Variants in SLC71A2 observed in about 807,000 individuals in gnomAD.
SLC71A2 encodes the protein solute carrier family 71 member 2, also known as hippocampus abundant transcript-like 1.
At chr9:94,437,782 C>G in the SLC71A2 span, among the ~76,000 whole-genome samples, 2 of 144,590 alleles carry the variant, frequency 1.4e-5, no homozygotes, top group Non-Finnish European at 3.0e-5. Context: ...TTCCCGTATG[C>G]TTGGTGTGTG....
the SLC71A2 span, chr9:94,459,147 T>G: frequency 6.2e-7 from 1 of 1,609,546 alleles, no homozygotes; most frequent in Non-Finnish European, 8.5e-7. Flanking sequence ...CCACTTGTTT[T>G]CCACGTTCAA....
chr9:94,416,233 G>A, the SLC71A2 span, among the ~76,000 whole-genome samples: 2 of 151,932 alleles, frequency 1.3e-5, no homozygotes, highest in African/African-American at 4.8e-5. Flanking sequence ...ATTATTGATG[G>A]GCCGGGTACA....
At chr9:94,389,624 T>G in the SLC71A2 span, among the ~76,000 whole-genome samples, 8 of 150,228 alleles carry the variant, frequency 5.3e-5, no homozygotes, top group African/African-American at 2.0e-4. Context: ...CTTATTTACT[T>G]GAGACAAGGT....
the SLC71A2 span, among the ~76,000 whole-genome samples, chr9:94,458,732 TTAAAATTTGAAATGACCTAAAAATCCAGC>T: frequency 6.6e-6 from 1 of 152,218 alleles, no homozygotes; most frequent in African/African-American, 2.4e-5. Flanking sequence ...CCCAGGCTAG[TTAAAATTTGAAATGACCTAAAAATCCAGC>T]TAAAAATTGA....
the SLC71A2 span, among the ~76,000 whole-genome samples, chr9:94,418,655 C>T: frequency 1.3e-5 from 2 of 152,136 alleles, no homozygotes; most frequent in East Asian, 1.9e-4. Flanking sequence ...AGGCTGGTCT[C>T]GAACTCCTGA....
chr9:94,442,387 C>G, the SLC71A2 span, among the ~76,000 whole-genome samples: 1 of 152,126 alleles, frequency 6.6e-6, no homozygotes. Context: ...TCTGACTCTT[C>G]TACCTTCCCT....
the SLC71A2 span, chr9:94,444,984 T>G: frequency 6.2e-7 from 1 of 1,614,042 alleles, no homozygotes; most frequent in Non-Finnish European, 8.5e-7. Flanking sequence ...CCTTTGCGGC[T>G]AGTCTTGTCA....
At chr9:94,440,291 C>G in the SLC71A2 span, among the ~76,000 whole-genome samples, 2 of 151,988 alleles carry the variant, frequency 1.3e-5, no homozygotes, top group Non-Finnish European at 2.9e-5. Context: ...GTAGCTGGGA[C>G]TACAGGCGCC....
At chr9:94,420,275 A>G in the SLC71A2 span, among the ~76,000 whole-genome samples, 2 of 152,158 alleles carry the variant, frequency 1.3e-5, no homozygotes, top group Admixed American at 1.3e-4. Flanking sequence ...TGCCCCATTA[A>G]CTTGACAACA....
the SLC71A2 span, among the ~76,000 whole-genome samples, chr9:94,405,638 T>C: frequency 2.0e-5 from 3 of 152,158 alleles, no homozygotes; most frequent in African/African-American, 7.2e-5. Context: ...CACTTGGGCT[T>C]TTTATTCTGT....
At chr9:94,429,909 AT>A in the SLC71A2 span, among the ~76,000 whole-genome samples, 253 of 141,840 alleles carry the variant, frequency 1.8e-3, 1 homozygote, top group Middle Eastern at 3.7e-3. Flanking sequence ...TCTTTATTTT[AT>A]TTTTTTTTTT....
At chr9:94,448,070 C>T in the SLC71A2 span, among the ~76,000 whole-genome samples, 1 of 152,014 alleles carries the variant, frequency 6.6e-6, no homozygotes, top group Non-Finnish European at 1.5e-5. Flanking sequence ...GACAGTTGTG[C>T]ATAAAGCTGC....
chr9:94,379,537 G>T, the SLC71A2 span, among the ~76,000 whole-genome samples: 3 of 149,880 alleles, frequency 2.0e-5, no homozygotes, highest in East Asian at 5.9e-4. Context: ...CTATAGGCAC[G>T]TGGCACTATG....
At chr9:94,452,749 A>G in the SLC71A2 span, among the ~76,000 whole-genome samples, 2 of 141,676 alleles carry the variant, frequency 1.4e-5, no homozygotes, top group South Asian at 2.1e-4. Flanking sequence ...ATAAATATCT[A>G]TTATATATAG....
the SLC71A2 span, chr9:94,374,602 A>C: frequency 1.3e-5 from 2 of 153,030 alleles, no homozygotes; most frequent in African/African-American, 4.8e-5. Flanking sequence ...GTGCGGTTTG[A>C]TAAGTGGTCG....
chr9:94,410,891 G>A, the SLC71A2 span, among the ~76,000 whole-genome samples: 1 of 152,156 alleles, frequency 6.6e-6, no homozygotes, highest in African/African-American at 2.4e-5. Context: ...TCAGCCTCCT[G>A]AGCAGCTAGG....
the SLC71A2 span, chr9:94,456,158 A>T: frequency 1.2e-6 from 1 of 860,388 alleles, no homozygotes; most frequent in African/African-American, 1.7e-5. Flanking sequence ...AGGCATTTGT[A>T]CTTTTGCCAC....
At chr9:94,452,151 A>G in the SLC71A2 span, among the ~76,000 whole-genome samples, 12 of 152,358 alleles carry the variant, frequency 7.9e-5, no homozygotes, top group Non-Finnish European at 7.3e-5. Flanking sequence ...ATTATAATCT[A>G]TCTCTGGATT....
At chr9:94,438,962 TTAAAA>T in the SLC71A2 span, among the ~76,000 whole-genome samples, 1 of 152,018 alleles carries the variant, frequency 6.6e-6, no homozygotes, top group Non-Finnish European at 1.5e-5. Context: ...GGGAGTCACT[TTAAAA>T]TATACCATAA....
Sources: gnomAD v4.1 joint callset for allele counts (sites outside exome capture counted in the v4.1 genomes callset) on GRCh38, gnomAD v4.1.1 for gene constraint, MANE v1.5 for transcripts, NCBI Gene and HGNC (gene_info 2026-07-23, HGNC 2026-07-21) for gene names.